NCAM2: variants seen among roughly 807,000 people sequenced by gnomAD.
The protein encoded by NCAM2 is N-CAM-2.
NCAM2 carries 30 observed loss-of-function variants against 98.1 expected under a neutral mutation model. The observed-to-expected ratio is 0.31, with a 90% confidence interval of 0.23 to 0.41. The LOEUF (loss-of-function observed/expected upper bound fraction) is 0.41. Among genes scored for constraint, NCAM2 ranks in the 10% least tolerant of loss-of-function variants. The pLI, the probability that NCAM2 is intolerant of heterozygous loss-of-function variation, is 1.00. For synonymous variants in NCAM2, 368 were observed against 342.4 expected (o/e 1.07, Z -0.83); for missense variants, 867 against 1,005.8 (o/e 0.86, Z 1.87).
intron 12 of NCAM2, among the ~76,000 whole-genome samples, chr21:21,440,313 A>T (rs756930019): frequency 2.0e-5 from 3 of 152,202 alleles, no homozygotes; most frequent in Non-Finnish European, 2.9e-5. Context: ...TGGGTATATT[A>T]GTAGTAAATA....
chr21:21,396,571 G>T lies in NCAM2; in HGVS notation c.1196-13703G>T, dbSNP rs536871330. Among the ~76,000 whole-genome samples, 14 of 152,228 alleles carry T rather than the reference G, an allele frequency of 9.2e-5. No individual in the cohort carries two copies. The East Asian group carries it at 2.5e-3, about 27-fold the overall frequency. Reference sequence around the variant, plus strand: ...GGCCTAGATCCCATACCCGCCAAGGGTGAACCAGGTGGGGAGTGGTGAGGG... The same window carrying T: ...GGCCTAGATCCCATACCCGCCAAGGTTGAACCAGGTGGGGAGTGGTGAGGG... On this transcript the variant is annotated intron_variant, in intron 9 of 17. Transcript: ENST00000400546.
chr21:21,284,761 G>A (rs1328330017), intron 3 of NCAM2, among the ~76,000 whole-genome samples: 1 of 151,220 alleles, frequency 6.6e-6, no homozygotes, highest in Non-Finnish European at 1.5e-5. Flanking sequence ...AAATGAAAAT[G>A]TGTGACAGCA....
At chr21:21,338,662 T>C in intron 8 of NCAM2, 128 bp downstream of exon 8, 1 of 989,074 alleles carries the variant, frequency 1.0e-6, no homozygotes, top group South Asian at 1.9e-5. Flanking sequence ...GTTTGATTTT[T>C]AAAAAGGTAA....
At chr21:21,256,783 C>A (rs1449862342) in intron 1 of NCAM2, among the ~76,000 whole-genome samples, 1 of 152,150 alleles carries the variant, frequency 6.6e-6, no homozygotes, top group East Asian at 1.9e-4. Flanking sequence ...CGAGTCATTT[C>A]TGTGTGTTGG....
chr21:21,110,404 A>T (rs2066431391), intron 1 of NCAM2, among the ~76,000 whole-genome samples: 1 of 152,024 alleles, frequency 6.6e-6, no homozygotes, highest in African/African-American at 2.4e-5. Context: ...GCCTGCAGGG[A>T]AAAACATGAA....
rs192697714 is a variant in NCAM2, at chr21:21,159,335, C to T, written c.56-121243C>T. On this transcript the variant is annotated intron_variant, in intron 1 of 17. Transcript: ENST00000400546. Reference sequence around the variant, plus strand: ...ATAAATTTAGTGTAGTATAAGTTTACCATGTTTATAAAGTCTGCAGTAATA... The same window carrying T: ...ATAAATTTAGTGTAGTATAAGTTTATCATGTTTATAAAGTCTGCAGTAATA... Among the ~76,000 whole-genome samples the T allele has an allele frequency of 2.5e-3, 373 of 151,960 alleles. 1 individual carries two copies. The highest frequency in any genetic ancestry group is 4.8e-3 in the Admixed American group (73 of 15,242).
intron 5 of NCAM2, among the ~76,000 whole-genome samples, chr21:21,305,988 T>G (rs2073867672): frequency 6.6e-6 from 1 of 152,180 alleles, no homozygotes; most frequent in Non-Finnish European, 1.5e-5. Flanking sequence ...CCCTTTTGAC[T>G]TATTATTTAT....
chr21:21,183,946 G>A (rs1306959276), intron 1 of NCAM2, among the ~76,000 whole-genome samples: 1 of 152,082 alleles, frequency 6.6e-6, no homozygotes, highest in Non-Finnish European at 1.5e-5. Context: ...AAAGAGATGG[G>A]ATTGAATGCT....
intron 5 of NCAM2, among the ~76,000 whole-genome samples, chr21:21,309,580 C>A (rs2147705249): frequency 6.6e-6 from 1 of 152,298 alleles, no homozygotes; most frequent in Admixed American, 6.5e-5. Flanking sequence ...CAGTTACTTT[C>A]CTCTCATGGG....
intron 1 of NCAM2, among the ~76,000 whole-genome samples, chr21:21,017,953 A>G (rs900683244): frequency 6.6e-6 from 1 of 152,122 alleles, no homozygotes; most frequent in African/African-American, 2.4e-5. Context: ...TGCTGTATCA[A>G]ATTCTTTCAA....
At chr21:21,453,709 G>T (rs1430030456) in intron 12 of NCAM2, among the ~76,000 whole-genome samples, 1 of 151,974 alleles carries the variant, frequency 6.6e-6, no homozygotes. Context: ...AATCCTTAGT[G>T]CATTGTATCA....
intron 1 of NCAM2, among the ~76,000 whole-genome samples, chr21:21,138,907 C>T (rs1370628290): frequency 3.3e-5 from 5 of 152,008 alleles, no homozygotes; most frequent in Admixed American, 6.6e-5. Flanking sequence ...CATACATATT[C>T]ATCATTTTGT....
intron 5 of NCAM2, among the ~76,000 whole-genome samples, chr21:21,303,954 A>G (rs953934787): frequency 6.6e-6 from 1 of 152,100 alleles, no homozygotes; most frequent in African/African-American, 2.4e-5. Context: ...ACGTAGTTTT[A>G]ACTGGGCTGT....
At chr21:21,334,730 C>G (rs2074811760) in intron 6 of NCAM2, among the ~76,000 whole-genome samples, 1 of 151,862 alleles carries the variant, frequency 6.6e-6, no homozygotes, top group African/African-American at 2.4e-5. Context: ...AGAAATAGTT[C>G]AGATTTTAAT....
At chr21:21,406,027 CTCTT>C (rs2076731407) in intron 9 of NCAM2, among the ~76,000 whole-genome samples, 1 of 152,184 alleles carries the variant, frequency 6.6e-6, no homozygotes, top group East Asian at 1.9e-4. Flanking sequence ...CTCTCATTCT[CTCTT>C]TAAGAAAGGG....
intron 1 of NCAM2, among the ~76,000 whole-genome samples, chr21:21,195,242 G>T (rs1601615736): frequency 6.6e-6 from 1 of 152,216 alleles, no homozygotes. Context: ...TAAGATGTAG[G>T]AAATATAACC....
At chr21:21,279,997 T>A (rs892771385) in intron 1 of NCAM2, among the ~76,000 whole-genome samples, 1 of 152,214 alleles carries the variant, frequency 6.6e-6, no homozygotes, top group Non-Finnish European at 1.5e-5. Flanking sequence ...CACAAAAAAA[T>A]TATTTAAAAT....
chr21:21,375,332 TAAAAGAAAAA>T (rs947714819), intron 9 of NCAM2, among the ~76,000 whole-genome samples: 7 of 150,038 alleles, frequency 4.7e-5, no homozygotes, highest in African/African-American at 9.8e-5. Context: ...ACTTCGTAAC[TAAAAGAAAAA>T]AAAAGAAAAA....
intron 1 of NCAM2, among the ~76,000 whole-genome samples, chr21:21,248,429 A>G (rs2071357696): frequency 2.0e-5 from 3 of 152,052 alleles, no homozygotes; most frequent in Admixed American, 2.0e-4. Context: ...TCTTTTAAAA[A>G]AAATTCCTTG....
Sources: allele counts gnomAD v4.1 joint callset (sites outside exome capture counted in the v4.1 genomes callset), GRCh38; gene constraint gnomAD v4.1.1; transcripts MANE v1.5; gene names NCBI Gene and HGNC (gene_info 2026-07-23, HGNC 2026-07-21).